Variants in AGBL1 observed in about 807,000 individuals in gnomAD.
The protein encoded by AGBL1 is cytosolic carboxypeptidase 4.
In AGBL1, 130 loss-of-function variants were observed where a neutral mutation model predicts 118.9. The observed-to-expected ratio is 1.09, with a 90% CI of 0.95 to 1.26. AGBL1 has a LOEUF of 1.26. Ranked by LOEUF, AGBL1 falls within the 50% of genes most tolerant of loss-of-function variation. The pLI, the probability that AGBL1 is intolerant of heterozygous loss-of-function variation, is 0.00. For missense variants in AGBL1, 1,584 were observed against 1,298.1 expected (o/e 1.22, Z -3.38); for synonymous variants, 555 against 478.9 (o/e 1.16, Z -2.08).
intron 21 of AGBL1, among the ~76,000 whole-genome samples, chr15:86,609,225 C>A (rs529572953): frequency 4.3e-4 from 65 of 152,068 alleles, no homozygotes; most frequent in Non-Finnish European, 6.9e-4. Flanking sequence ...TTGAGGAGTA[C>A]TAGATCTCAG....
At chr15:86,865,131 G>T (rs760070569) in intron 22 of AGBL1, among the ~76,000 whole-genome samples, 4 of 152,132 alleles carry the variant, frequency 2.6e-5, no homozygotes, top group Non-Finnish European at 5.9e-5. Context: ...AACGGTGAAT[G>T]AACACAACAA....
At position 86,781,305 on chromosome 15, in the gene AGBL1, T is replaced by C. The variant is rs182757372; in HGVS notation, c.3158+106869T>C. On this transcript the variant is annotated intron_variant, in intron 22 of 22. Coordinates refer to ENST00000614907, the MANE Select transcript of AGBL1 (RefSeq NM_001386094.1). ...TCTATATTTCCTGCCTTCCGTAGGG[T>C]TAATCAATTTTATTTATTCTCACGT... Among the ~76,000 whole-genome samples the C allele has an allele frequency of 2.4e-4, 37 of 152,326 alleles. No homozygotes were observed. In the East Asian group the frequency reaches 6.9e-3, roughly 29 times the overall value.
At chr15:86,468,372 TC>T (rs2082433745) in intron 18 of AGBL1, among the ~76,000 whole-genome samples, 1 of 152,150 alleles carries the variant, frequency 6.6e-6, no homozygotes, top group Non-Finnish European at 1.5e-5. Context: ...TTACTGAGCC[TC>T]CCTAGAGAAT....
intron 22 of AGBL1, among the ~76,000 whole-genome samples, chr15:86,722,333 A>C (rs1005566916): frequency 1.3e-5 from 2 of 152,222 alleles, no homozygotes; most frequent in African/African-American, 4.8e-5. Context: ...AACAGAGCAG[A>C]GCCCTCAGAA....
intron 23 of AGBL1, among the ~76,000 whole-genome samples, chr15:86,968,804 G>C (rs1478618972): frequency 6.6e-6 from 1 of 151,820 alleles, no homozygotes; most frequent in African/African-American, 2.4e-5. Context: ...CCACAATCAG[G>C]ATACCAGGAG....
At chr15:86,947,625 A>G (rs955303776) in intron 23 of AGBL1, among the ~76,000 whole-genome samples, 1 of 152,208 alleles carries the variant, frequency 6.6e-6, no homozygotes, top group African/African-American at 2.4e-5. Flanking sequence ...TGATTGCTTT[A>G]CAACACTGAA....
intron 15 of AGBL1, among the ~76,000 whole-genome samples, chr15:86,273,419 A>T (rs1360021018): frequency 6.6e-6 from 1 of 152,244 alleles, no homozygotes; most frequent in Non-Finnish European, 1.5e-5. Context: ...AGATTGCTAC[A>T]TTGTAATGTA....
chr15:86,495,866 T>C (rs1027896619), intron 18 of AGBL1, among the ~76,000 whole-genome samples: 5 of 151,980 alleles, frequency 3.3e-5, no homozygotes, highest in Non-Finnish European at 7.4e-5. Context: ...ATTTGATCTG[T>C]ATCTCTGAAG....
Position 86,635,252 on chromosome 15 carries a change from C to T in AGBL1, c.2995-39021C>T, listed in dbSNP as rs1355063125. On this transcript the variant is annotated intron_variant, in intron 21 of 22. Coordinates refer to ENST00000614907, the MANE Select transcript of AGBL1 (RefSeq NM_001386094.1). Reference sequence around the variant, plus strand: ...TAATCATTTCTTCTTTCTCCTCCTCCTCCCCCTCCCCCTCCTCCTCCTCCT... The same window carrying T: ...TAATCATTTCTTCTTTCTCCTCCTCTTCCCCCTCCCCCTCCTCCTCCTCCT... Among the ~76,000 whole-genome samples the T allele has an allele frequency of 8.1e-5, 8 of 99,206 alleles. 1 individual carries two copies. The highest frequency in any genetic ancestry group is 1.2e-4 in the Non-Finnish European group (6 of 49,468). The allele number at this position is 99,206 out of a possible 152,430, so 65.1% of individuals were successfully genotyped here. A position where few individuals can be genotyped will look rare whatever the true frequency, so the allele number is the denominator to read the frequency against.
At chr15:86,245,714 G>T (rs979638493) in intron 6 of AGBL1, among the ~76,000 whole-genome samples, 1 of 152,112 alleles carries the variant, frequency 6.6e-6, no homozygotes, top group Admixed American at 6.6e-5. Flanking sequence ...GAGTTGAAAA[G>T]GTCCCTATTA....
At chr15:86,081,132 C>T (rs1427347466) in intron 1 of AGBL1, among the ~76,000 whole-genome samples, 1 of 152,086 alleles carries the variant, frequency 6.6e-6, no homozygotes, top group Non-Finnish European at 1.5e-5. Context: ...CAACTTTTGC[C>T]TCCCAGGTTC....
intron 21 of AGBL1, among the ~76,000 whole-genome samples, chr15:86,574,910 G>T (rs1369750819): frequency 1.3e-5 from 2 of 151,972 alleles, no homozygotes; most frequent in Admixed American, 6.5e-5. Flanking sequence ...TGATTGCATG[G>T]CTGGGCGTGG....
chr15:86,393,953 C>T (rs2081325943), intron 17 of AGBL1, among the ~76,000 whole-genome samples: 1 of 152,112 alleles, frequency 6.6e-6, no homozygotes, highest in African/African-American at 2.4e-5. Context: ...AAAAGAAAGT[C>T]ATCTAAGAAA....
intron 22 of AGBL1, among the ~76,000 whole-genome samples, chr15:86,721,255 A>T (rs1360776720): frequency 6.6e-6 from 1 of 152,224 alleles, no homozygotes; most frequent in Admixed American, 6.5e-5. Context: ...CCTCAATAAA[A>T]TACTGGCAAA....
intron 6 of AGBL1, among the ~76,000 whole-genome samples, chr15:86,241,115 G>A (rs2078635008): frequency 6.6e-6 from 1 of 152,148 alleles, no homozygotes. Context: ...TTCATTGTAT[G>A]TATGGGAGTG....
At chr15:86,178,168 T>C (rs1403840557) in intron 5 of AGBL1, among the ~76,000 whole-genome samples, 2 of 151,906 alleles carry the variant, frequency 1.3e-5, no homozygotes, top group African/African-American at 2.4e-5. Flanking sequence ...AAAAATTTAG[T>C]TGGGTGTGGT....
rs928979548 is a variant in AGBL1, at chr15:86,560,858, T to A, written c.2994+6321T>A. On this transcript the variant is annotated intron_variant, in intron 21 of 22. Coordinates refer to ENST00000614907, the MANE Select transcript of AGBL1 (RefSeq NM_001386094.1). The stretch of plus-strand genomic sequence containing the variant: ...TAACTGGTGTGAGATGGTATGTCAT[T>A]GTGGTTTTGATTTGCATTTCTCTGA... Among the ~76,000 whole-genome samples the A allele has an allele frequency of 5.6e-4, 86 of 152,220 alleles. 1 individual carries two copies. The highest frequency in any genetic ancestry group is 1.9e-4 in the Non-Finnish European group (13 of 68,046).
intron 22 of AGBL1, among the ~76,000 whole-genome samples, chr15:86,866,203 T>C (rs76620843): frequency 0.068 from 10,352 of 152,260 alleles, 457 homozygotes; most frequent in Middle Eastern, 0.11. Context: ...AAACATTCCA[T>C]TGAAGGAATT....
At chr15:86,884,365 C>A (rs1048296683) in intron 22 of AGBL1, among the ~76,000 whole-genome samples, 1 of 152,204 alleles carries the variant, frequency 6.6e-6, no homozygotes, top group African/African-American at 2.4e-5. Flanking sequence ...TCACGCTACA[C>A]AGACCTGTGC....
Sources: gnomAD v4.1 joint callset for allele counts (sites outside exome capture counted in the v4.1 genomes callset) on GRCh38, gnomAD v4.1.1 for gene constraint, MANE v1.5 for transcripts, NCBI Gene and HGNC (gene_info 2026-07-23, HGNC 2026-07-21) for gene names.